Variants in FAM120B observed in about 807,000 individuals in gnomAD.
FAM120B encodes constitutive coactivator of peroxisome proliferator-activated receptor gamma.
FAM120B carries 83 observed loss-of-function variants against 96.3 expected under a neutral mutation model. That is an observed-to-expected ratio of 0.86 (90% confidence interval 0.72 to 1.03). The LOEUF (loss-of-function observed/expected upper bound fraction) is 1.03. FAM120B is among the 50% of genes least tolerant of loss of function. The pLI, the probability that FAM120B is intolerant of heterozygous loss-of-function variation, is 0.00. For missense variants in FAM120B, 1,027 were observed against 1,121.2 expected (o/e 0.92, Z 1.20); for synonymous variants, 407 against 402.7 (o/e 1.01, Z -0.13).
At chr6:170,400,642 C>T (rs998013628) in intron 9 of FAM120B, among the ~76,000 whole-genome samples, 2 of 152,184 alleles carry the variant, frequency 1.3e-5, no homozygotes, top group East Asian at 1.9e-4. Context: ...CAGAGGGGAT[C>T]GTGGCCACTT....
chr6:170,299,035 C>T (rs1784085170), intron 1 of FAM120B, among the ~76,000 whole-genome samples: 1 of 152,206 alleles, frequency 6.6e-6, no homozygotes, highest in South Asian at 2.1e-4. Flanking sequence ...CCTGTCTCTG[C>T]CACCAGGTGA....
intron 1 of FAM120B, among the ~76,000 whole-genome samples, chr6:170,299,937 TAAG>T (rs1418325609): frequency 5.3e-5 from 8 of 152,232 alleles, no homozygotes; most frequent in African/African-American, 1.9e-4. Context: ...ACAATGATCA[TAAG>T]AAGAGGAACA....
At chr6:170,299,529 A>G (rs1409315798) in intron 1 of FAM120B, among the ~76,000 whole-genome samples, 1 of 152,252 alleles carries the variant, frequency 6.6e-6, no homozygotes, top group Non-Finnish European at 1.5e-5. Context: ...GGCAGCCACT[A>G]GGCTCACCTC....
intron 6 of FAM120B, among the ~76,000 whole-genome samples, chr6:170,365,129 T>C (rs1161317962): frequency 6.6e-6 from 1 of 152,244 alleles, no homozygotes; most frequent in Non-Finnish European, 1.5e-5. Flanking sequence ...CCATCTCCTG[T>C]CTCCTACAGC....
At chr6:170,313,543 G>A (rs1784724271) in intron 1 of FAM120B, among the ~76,000 whole-genome samples, 2 of 152,216 alleles carry the variant, frequency 1.3e-5, no homozygotes, top group African/African-American at 4.8e-5. Flanking sequence ...ACTTACCTCT[G>A]TTTGGCTTTG....
chr6:170,352,517 C>T (rs1332777166), intron 5 of FAM120B, among the ~76,000 whole-genome samples: 2 of 152,210 alleles, frequency 1.3e-5, no homozygotes, highest in Non-Finnish European at 2.9e-5. Flanking sequence ...AAATGGATCA[C>T]ATAATCGGAA....
intron 4 of FAM120B, among the ~76,000 whole-genome samples, chr6:170,341,064 C>T (rs1786788821): frequency 6.6e-6 from 1 of 152,170 alleles, no homozygotes; most frequent in South Asian, 2.1e-4. Context: ...TCTGCAGAGC[C>T]GTCAGGCAGG....
In FAM120B at chr6:170,317,903, C is replaced by T. The variant is rs139225255; in HGVS notation, c.513C>T (p.Asn171=). ...TAGCTTCCTATGGCCTCCAGCATAA[C>T]TGTCTTGGGATTCTGGGGGAAGACA... ...YEVASYGLQH[N]CLGILGEDTD... is the part of the protein sequence containing the mutation. The change falls in exon 2 of 11, where the codon AAC becomes AAT. Residue 171 remains asparagine, a synonymous_variant. Coordinates refer to ENST00000476287, the MANE Select transcript of FAM120B (RefSeq NM_032448.3). 10 of 1,614,082 alleles carry T rather than the reference C, an allele frequency of 6.2e-6. No homozygotes were observed. The highest frequency in any genetic ancestry group is 8.5e-6 in the Non-Finnish European group (10 of 1,180,028).
intron 9 of FAM120B, among the ~76,000 whole-genome samples, chr6:170,399,185 A>G (rs1349060620): frequency 6.8e-6 from 1 of 147,240 alleles, no homozygotes; most frequent in African/African-American, 2.6e-5. Flanking sequence ...AGGTAGAACT[A>G]TGTCATAACT....
intron 1 of FAM120B, among the ~76,000 whole-genome samples, chr6:170,299,225 ACTT>A (rs1784091779): frequency 6.6e-6 from 1 of 151,834 alleles, no homozygotes; most frequent in African/African-American, 2.4e-5. Context: ...ACTTAATTCA[ACTT>A]CTTCAATTAA....
At chr6:170,337,220 T>C (rs1335212803) in intron 4 of FAM120B, among the ~76,000 whole-genome samples, 1 of 152,228 alleles carries the variant, frequency 6.6e-6, no homozygotes, top group Non-Finnish European at 1.5e-5. Context: ...CAATACCTAG[T>C]TACTGGGAGT....
intron 1 of FAM120B, among the ~76,000 whole-genome samples, chr6:170,307,518 A>T (rs1431552097): frequency 6.6e-6 from 1 of 152,198 alleles, no homozygotes; most frequent in Non-Finnish European, 1.5e-5. Context: ...TTTAAGTAGG[A>T]GTTGGGAGAT....
rs1259243400 is a variant in FAM120B, at chr6:170,388,509, C to A, written c.2490+16C>A. The A allele has an allele frequency of 1.2e-6, 2 of 1,607,028 alleles. No homozygotes were observed. The highest frequency in any genetic ancestry group is 4.5e-5 in the East Asian group (2 of 44,846). On this transcript the variant is annotated intron_variant, in intron 7 of 10. Transcript: ENST00000476287. ...AGAACAAAATGTGAGTTCACAGACA[C>A]CTACCTTTCACCAGAAACATCCCTG...
At chr6:170,389,625 C>A (rs544368305) in intron 7 of FAM120B, among the ~76,000 whole-genome samples, 1 of 152,108 alleles carries the variant, frequency 6.6e-6, no homozygotes, top group South Asian at 2.1e-4. Flanking sequence ...GTGGTGCAAT[C>A]TCCACTAACT....
chr6:170,372,003 C>T (rs192044130), intron 6 of FAM120B, among the ~76,000 whole-genome samples: 4 of 152,192 alleles, frequency 2.6e-5, no homozygotes, highest in Admixed American at 6.5e-5. Context: ...AAAAAATAAG[C>T]GTGAAAGTAG....
intron 8 of FAM120B, among the ~76,000 whole-genome samples, chr6:170,395,016 G>C (rs1228338709): frequency 1.3e-5 from 2 of 152,250 alleles, no homozygotes; most frequent in Non-Finnish European, 2.9e-5. Context: ...AACAGGACAA[G>C]GTGTCATGGA....
At chr6:170,361,215 T>C (rs1367239578) in intron 6 of FAM120B, among the ~76,000 whole-genome samples, 1 of 103,484 alleles carries the variant, frequency 9.7e-6, no homozygotes, top group Admixed American at 9.9e-5. Context: ...TATATATATA[T>C]ATATATATAT....
chr6:170,391,135 A>T lies in FAM120B; in HGVS notation c.2599+14A>T. On this transcript the variant is annotated intron_variant, in intron 8 of 10. Coordinates refer to ENST00000476287, the MANE Select transcript of FAM120B (RefSeq NM_032448.3). ...CACACCACGCAGGTGGGAAAGGGCC[A>T]GGTGCCTCTAGAAGCCCCACAAGCG... The T allele has an allele frequency of 1.3e-6, 2 of 1,585,752 alleles. No individual in the cohort carries two copies. Among genetic ancestry groups the T allele is most frequent in the Non-Finnish European group, 1.7e-6 (2 of 1,154,678 alleles).
chr6:170,312,326 A>G (rs952543170), intron 1 of FAM120B, among the ~76,000 whole-genome samples: 14 of 152,228 alleles, frequency 9.2e-5, no homozygotes, highest in Non-Finnish European at 1.5e-5. Context: ...TAAATACAAT[A>G]AAACCTCCCT....
Sources: allele counts gnomAD v4.1 joint callset (sites outside exome capture counted in the v4.1 genomes callset), GRCh38; gene constraint gnomAD v4.1.1; transcripts MANE v1.5; gene names NCBI Gene and HGNC (gene_info 2026-07-23, HGNC 2026-07-21).